Variants in HMGB1 observed in about 807,000 individuals in gnomAD.
The protein encoded by HMGB1 is high mobility group protein B1.
For synonymous variants in HMGB1, 81 were observed against 84.0 expected (o/e 0.96, Z 0.19); for missense variants, 79 against 253.5 (o/e 0.31, Z 4.67).
In HMGB1 at chr13:30,526,717, T is replaced by TC. The variant is rs552981157; in HGVS notation, c.-14-63024dup. 1.8e-3 allele frequency among the ~76,000 whole-genome samples: 278 copies of TC among 152,316 alleles called. 2 individuals carry two copies. The highest frequency in any genetic ancestry group is 6.3e-3 in the African/African-American group (261 of 41,568). Reference sequence around the variant, plus strand: ...CAAGCCTGCCACCACGAGCCCTAGCTCCACCATCACTAAATGACTTGTCCC... The same window carrying TC: ...CAAGCCTGCCACCACGAGCCCTAGCTCCCACCATCACTAAATGACTTGTCCC... On this transcript the variant is annotated intron_variant, in intron 1 of 4. Coordinates refer to the HMGB1 transcript ENST00000405805.
At chr13:30,613,762 C>CA (rs1164539995) in intron 1 of HMGB1, among the ~76,000 whole-genome samples, 1 of 152,018 alleles carries the variant, frequency 6.6e-6, no homozygotes, top group Non-Finnish European at 1.5e-5. Flanking sequence ...ACAATACTGG[C>CA]ATGGAGAACA....
At chr13:30,505,979 G>A (rs910777116) in intron 1 of HMGB1, among the ~76,000 whole-genome samples, 10 of 151,986 alleles carry the variant, frequency 6.6e-5, no homozygotes, top group African/African-American at 2.4e-5. Context: ...CCTGCCTCTC[G>A]GCCTCCCAAA....
chr13:30,520,487 GCGT>G (rs1888213563), intron 1 of HMGB1, among the ~76,000 whole-genome samples: 2 of 151,786 alleles, frequency 1.3e-5, no homozygotes, highest in African/African-American at 4.8e-5. Flanking sequence ...AGGTGTGGTG[GCGT>G]ATGCCTGTAA....
At chr13:30,525,774 T>C (rs1221238224) in intron 1 of HMGB1, among the ~76,000 whole-genome samples, 1 of 150,770 alleles carries the variant, frequency 6.6e-6, no homozygotes, top group Non-Finnish European at 1.5e-5. Flanking sequence ...AAGAACAGCA[T>C]GGGGAAATGG....
At chr13:30,547,194 A>G (rs1042084154) in intron 1 of HMGB1, among the ~76,000 whole-genome samples, 1 of 152,232 alleles carries the variant, frequency 6.6e-6, no homozygotes, top group Non-Finnish European at 1.5e-5. Flanking sequence ...AGAAAATTTT[A>G]TCATCTCTGA....
At chr13:30,531,307 G>A (rs760647229) in intron 1 of HMGB1, among the ~76,000 whole-genome samples, 9 of 152,126 alleles carry the variant, frequency 5.9e-5, no homozygotes, top group Non-Finnish European at 1.0e-4. Flanking sequence ...TAAAGCTAAT[G>A]AAAGAAAAGA....
intron 1 of HMGB1, among the ~76,000 whole-genome samples, chr13:30,558,642 G>A (rs1869795734): frequency 6.6e-6 from 1 of 152,200 alleles, no homozygotes; most frequent in Non-Finnish European, 1.5e-5. Context: ...CATGGGCTAT[G>A]AAACCTTCCT....
chr13:30,546,175 G>A (rs1161530571), intron 1 of HMGB1, among the ~76,000 whole-genome samples: 1 of 152,218 alleles, frequency 6.6e-6, no homozygotes, highest in Non-Finnish European at 1.5e-5. Context: ...GAGTTCAGTA[G>A]CGTGATCTCA....
intron 1 of HMGB1, among the ~76,000 whole-genome samples, chr13:30,474,133 C>T (rs4343121): frequency 0.24 from 36,438 of 152,068 alleles, 4,493 homozygotes; most frequent in Admixed American, 0.34. Context: ...GCAGCATGAC[C>T]TGGTAAATAT....
intron 1 of HMGB1, among the ~76,000 whole-genome samples, chr13:30,537,652 CATATATATAT>C (rs58424009): frequency 0.041 from 2,772 of 67,996 alleles, 124 homozygotes; most frequent in African/African-American, 0.09. Flanking sequence ...CATTCTTGTT[CATATATATAT>C]ATATATATAT....
chr13:30,594,780 T>G (rs185800508), intron 1 of HMGB1, among the ~76,000 whole-genome samples: 3 of 152,330 alleles, frequency 2.0e-5, no homozygotes, highest in Admixed American at 6.5e-5. Flanking sequence ...AGTATTTCTA[T>G]TTTTAGTTGC....
chr13:30,582,714 C>T (rs1014870930), intron 1 of HMGB1, among the ~76,000 whole-genome samples: 15 of 151,946 alleles, frequency 9.9e-5, no homozygotes, highest in Non-Finnish European at 1.8e-4. Flanking sequence ...AGGGCCATAG[C>T]TGTTTAAATC....
intron 1 of HMGB1, among the ~76,000 whole-genome samples, chr13:30,528,138 C>T (rs1376839586): frequency 6.6e-6 from 1 of 152,216 alleles, no homozygotes; most frequent in Admixed American, 6.5e-5. Context: ...CGCCAGTGAC[C>T]AGGCAACCCG....
At chr13:30,488,648 A>T (rs1320298101) in intron 1 of HMGB1, among the ~76,000 whole-genome samples, 15 of 1,774 alleles carry the variant, frequency 8.5e-3, no homozygotes, top group Non-Finnish European at 0.016. Context: ...TTTTAATTTT[A>T]TTATTATTAT....
At chr13:30,471,419 C>T (rs1340879714) in intron 1 of HMGB1, among the ~76,000 whole-genome samples, 1 of 151,938 alleles carries the variant, frequency 6.6e-6, no homozygotes, top group Middle Eastern at 3.2e-3. Flanking sequence ...GCGATCTCGG[C>T]TCACTGCAAC....
chr13:30,474,406 A>G (rs1466142911), intron 1 of HMGB1, among the ~76,000 whole-genome samples: 1 of 152,194 alleles, frequency 6.6e-6, no homozygotes, highest in African/African-American at 2.4e-5. Context: ...TTCTGTGCTT[A>G]AAGTATATTT....
intron 1 of HMGB1, among the ~76,000 whole-genome samples, chr13:30,611,311 C>T (rs900521406): frequency 5.9e-5 from 9 of 152,248 alleles, no homozygotes; most frequent in Middle Eastern, 3.4e-3. Flanking sequence ...TACAGGCATG[C>T]GCCAACGTGC....
chr13:30,462,593 T>C lies in HMGB1; in HGVS notation c.416A>G (p.Asp139Gly), dbSNP rs1247314156. 3 of 1,609,444 alleles carry C rather than the reference T, an allele frequency of 1.9e-6. No individual in the cohort carries two copies. The highest frequency in any genetic ancestry group is 2.6e-6 in the Non-Finnish European group (3 of 1,175,864). The change falls in exon 4 of 5, where the codon GAT (aspartate) becomes GGT (glycine). Residue 139 changes from aspartate (D) to glycine (G), a missense_variant. Physicochemically the swap from Asp to Gly is moderately conservative, Grantham distance 94. Transcript: ENST00000341423. ...LGEMWNNTAA[D>G]DKQPYEKKAA... is the part of the protein sequence containing the mutation. The stretch of plus-strand genomic sequence containing the variant: ...CTTCTTTTCATAAGGCTGCTTGTCA[T>C]CTGCAGCAGTGTTATTCCACATCTC...
chr13:30,604,568 G>A (rs750590026), intron 1 of HMGB1, among the ~76,000 whole-genome samples: 28 of 152,202 alleles, frequency 1.8e-4, no homozygotes, highest in Non-Finnish European at 3.8e-4. Context: ...TACCAAGGCT[G>A]AGAAACTCTG....
Sources: allele counts gnomAD v4.1 joint callset (sites outside exome capture counted in the v4.1 genomes callset), GRCh38; gene constraint gnomAD v4.1.1; transcripts MANE v1.5; gene names NCBI Gene and HGNC (gene_info 2026-07-23, HGNC 2026-07-21).